PDGFRB: variants seen among roughly 807,000 people sequenced by gnomAD.
PDGFRB encodes the protein platelet-derived growth factor receptor beta.
A neutral mutation model predicts 120.2 loss-of-function variants in PDGFRB; 42 were observed. The observed-to-expected ratio is 0.35, with a 90% CI of 0.27 to 0.45. PDGFRB has a LOEUF of 0.45. Among genes scored for constraint, PDGFRB ranks in the 20% least tolerant of loss-of-function variants. The pLI is 1.00. For missense variants in PDGFRB, 1,149 were observed against 1,476.3 expected (o/e 0.78, Z 3.63); for synonymous variants, 586 against 606.8 (o/e 0.97, Z 0.50).
intron 6 of PDGFRB, 57 bp downstream of exon 6, chr5:150,133,529 G>T: frequency 7.0e-7 from 1 of 1,426,900 alleles, no homozygotes; most frequent in Non-Finnish European, 9.9e-7. Context: ...CAGCAAAGTG[G>T]GTGAGGGTGG....
chr5:150,121,966 G>A lies in PDGFRB; in HGVS notation c.2258C>T (p.Pro753Leu). Residue 753 changes from proline (P) to leucine (L), a missense_variant, in exon 16 of 23, where the codon CCC becomes CTC. By Grantham distance (98) the Pro-to-Leu change is moderately conservative. Coordinates refer to ENST00000261799, the MANE Select transcript of PDGFRB (RefSeq NM_002609.4). The surrounding 1 kb of genome is among the most constrained non-coding windows in gnomAD (Gnocchi z 4.1). ...GACGTCTCCTTTCATGTCCAGCATGGGCACATAGTCCACCGACTCGTCCTT... is the reference window on the plus strand; with the variant it reads ...GACGTCTCCTTTCATGTCCAGCATGAGCACATAGTCCACCGACTCGTCCTT... ...MSKDESVDYV[P>L]MLDMKGDVKY... The A allele has an allele frequency of 6.2e-7, 1 of 1,613,308 alleles. No homozygotes were observed. The highest frequency in any genetic ancestry group is 2.2e-5 in the East Asian group (1 of 44,866).
intron 1 of PDGFRB, among the ~76,000 whole-genome samples, chr5:150,143,493 C>T (rs887477414): frequency 6.6e-6 from 1 of 152,192 alleles, no homozygotes; most frequent in Admixed American, 6.5e-5. Context: ...TGACTCAGCT[C>T]AGAGAAGGCT....
At chr5:150,117,538 G>C (rs140531823) in intron 22 of PDGFRB, 80 bp downstream of exon 22, 2 of 586,066 alleles carry the variant, frequency 3.4e-6, no homozygotes. Context: ...GCGCGCGCGC[G>C]CGCGCGCACA....
chr5:150,151,032 C>T (rs548013631), intron 1 of PDGFRB, among the ~76,000 whole-genome samples: 25 of 152,162 alleles, frequency 1.6e-4, no homozygotes, highest in Non-Finnish European at 2.9e-4. Flanking sequence ...AGGGGCCACA[C>T]TAATTGTCAG....
In PDGFRB at chr5:150,124,295, G is replaced by T. The variant is rs144050370; in HGVS notation, c.1978C>A (p.Pro660Thr). Reference sequence around the variant, plus strand: ...AACAGGTTGACCACGTTCAGGTGGGGCCCAAGGTGACTCATGATCTTCAGC... The same window carrying T: ...AACAGGTTGACCACGTTCAGGTGGGTCCCAAGGTGACTCATGATCTTCAGC... ...SELKIMSHLG[P>T]HLNVVNLLGA... The change falls in exon 14 of 23, where the codon CCC becomes ACC. Residue 660 changes from proline to threonine, a missense_variant. This residue lies in a region of PDGFRB where 879 missense variants were observed against 1,108.6 expected (regional missense o/e 0.79). Transcript: ENST00000261799. 3.0e-5 allele frequency: 48 copies of T among 1,613,942 alleles called. No homozygotes were observed. The highest frequency in any genetic ancestry group is 3.9e-5 in the Non-Finnish European group (46 of 1,179,906).
rs1234170929 is a variant in PDGFRB, at chr5:150,124,242, C to G, written c.2023+8G>C. The G allele has an allele frequency of 6.2e-7, 1 of 1,601,842 alleles. No homozygotes were observed. Among genetic ancestry groups the G allele is most frequent in the Non-Finnish European group, 8.6e-7 (1 of 1,169,190 alleles). ...TCCCTGAGGCCTCTGGGGCAGTGGG[C>G]TCGGTACCTCCTTTGGTGCAGGCCC... On this transcript the variant is annotated splice_region_variant and intron_variant, in intron 14 of 22. Transcript: ENST00000261799.
At position 150,125,348 on chromosome 5, in the gene PDGFRB, T is replaced by C. The variant is rs2113896744; in HGVS notation, c.1807+97A>G. The C allele has an allele frequency of 4.7e-6, 5 of 1,066,218 alleles. No individual in the cohort carries two copies. In the South Asian group the frequency reaches 7.8e-5, roughly 17 times the overall value. 66.0% of individuals were successfully genotyped at this position (1,066,218 alleles called of 1,614,324 possible). A position where few individuals can be genotyped will look rare whatever the true frequency, so the allele number is the denominator to read the frequency against. ...GAAGGCAAGACACCAGCCCTAGGTCTCATAGCTAGTCATGGCAAGGCTGGG... is the reference window on the plus strand; with the variant it reads ...GAAGGCAAGACACCAGCCCTAGGTCCCATAGCTAGTCATGGCAAGGCTGGG... On this transcript the variant is annotated intron_variant, in intron 12 of 22. Transcript: ENST00000261799.
rs10071918 is a variant in PDGFRB, at chr5:150,155,757, C to G, written c.-367G>C. On this transcript the variant is annotated 5_prime_UTR_variant, in exon 1 of 23. Coordinates refer to ENST00000261799, the MANE Select transcript of PDGFRB (RefSeq NM_002609.4). ...GCAGGGCTGAGGGGCCGGCTCTCTCCTCCTCCTTGTTGATCTCCTCTCTGG... is the reference window on the plus strand; with the variant it reads ...GCAGGGCTGAGGGGCCGGCTCTCTCGTCCTCCTTGTTGATCTCCTCTCTGG... 2.9e-3 allele frequency: 1,149 copies of G among 398,644 alleles called. 11 individuals are homozygous for G. The highest frequency in any genetic ancestry group is 0.01 in the African/African-American group (489 of 48,754). 24.7% of individuals were successfully genotyped at this position (398,644 alleles called of 1,614,324 possible).
intron 8 of PDGFRB, 33 bp from the exon 9 acceptor site, chr5:150,130,695 G>A (rs1760440864): frequency 6.8e-6 from 11 of 1,609,780 alleles, no homozygotes; most frequent in Non-Finnish European, 9.3e-6. Context: ...TAGGAGGCGG[G>A]AGGGTCAGGA....
At position 150,121,895 on chromosome 5, in the gene PDGFRB, T is replaced by A; in HGVS notation, c.2329A>T (p.Asn777Tyr). 1 of 1,613,248 alleles carries A rather than the reference T, an allele frequency of 6.2e-7. No homozygotes were observed. Among genetic ancestry groups the A allele is most frequent in the East Asian group, 2.2e-5 (1 of 44,878 alleles). The change falls in exon 16 of 23, where the codon AAC becomes TAC. Residue 777 changes from asparagine to tyrosine, a missense_variant. Around this residue, in one of 3 missense-constraint regions of PDGFRB, gnomAD observed 879 missense variants for 1,108.6 expected, o/e 0.79. Transcript: ENST00000261799. The surrounding 1 kb of genome is among the most constrained non-coding windows in gnomAD (Gnocchi z 4.1). Reference protein sequence around the residue: ...ESSNYMAPYDNYVPSAPERTC... With the variant: ...ESSNYMAPYDYYVPSAPERTC... ...GTCCACCCACCAGAGGGAACGTAGT[T>A]ATCGTAAGGGGCCATGTAGTTGGAG... is the stretch of plus-strand genomic sequence containing the variant.
At position 150,135,647 on chromosome 5, in the gene PDGFRB, G is replaced by T; in HGVS notation, c.272C>A (p.Thr91Asn). Residue 91 changes from threonine (T) to asparagine (N), a missense_variant, in exon 3 of 23, where the codon ACT becomes AAT. Thr to Asn is a moderately conservative substitution (Grantham distance 65). This residue lies in a region of PDGFRB where 879 missense variants were observed against 1,108.6 expected (regional missense o/e 0.79). Coordinates refer to ENST00000261799, the MANE Select transcript of PDGFRB (RefSeq NM_002609.4). ...AAAGTATTCTCCCGTGTCTAGCCCA[G>T]TGAGGTTGGTCAGTGTGAGCACGCT... ...FSSVLTLTNL[T>N]GLDTGEYFCT... is the part of the protein sequence containing the mutation. 1 of 1,613,952 alleles carries T rather than the reference G, an allele frequency of 6.2e-7. No homozygotes were observed. The highest frequency in any genetic ancestry group is 1.1e-5 in the South Asian group (1 of 91,076).
chr5:150,121,830 G>A lies in PDGFRB; in HGVS notation c.2344+50C>T, dbSNP rs1472831885. On this transcript the variant is annotated intron_variant, in intron 16 of 22. Coordinates refer to ENST00000261799, the MANE Select transcript of PDGFRB (RefSeq NM_002609.4). This position sits in a 1 kb window ranked among gnomAD's most constrained non-coding sequence, Gnocchi z 4.1. ...TTTTTGGCAAGGCTGGGCATGTGAA[G>A]AGCATCAGCCTGTTTGGATGTGGGG... 2.1e-6 allele frequency: 3 copies of A among 1,395,798 alleles called. No homozygotes were observed. The highest frequency in any genetic ancestry group is 3.4e-5 in the Admixed American group (2 of 59,096). The allele number at this position is 1,395,798 out of a possible 1,614,324, so 86.5% of individuals were successfully genotyped here. A position where few individuals can be genotyped will look rare whatever the true frequency, so the allele number is the denominator to read the frequency against.
At position 150,155,658 on chromosome 5, in the gene PDGFRB, CA is replaced by C; in HGVS notation, c.-269del. 2.5e-6 allele frequency: 1 copy of C among 398,712 alleles called. No homozygotes were observed. The highest frequency in any genetic ancestry group is 4.4e-6 in the Non-Finnish European group (1 of 226,126). The allele number at this position is 398,712 out of a possible 1,614,324, so 24.7% of individuals were successfully genotyped here. On this transcript the variant is annotated 5_prime_UTR_variant, in exon 1 of 23. Coordinates refer to ENST00000261799, the MANE Select transcript of PDGFRB (RefSeq NM_002609.4). ...CTCCCCAAGCATCCTTCGGGAGGAG[CA>C]GAGCCGCCAGAGGGGCCGCCCTGGG...
intron 2 of PDGFRB, among the ~76,000 whole-genome samples, chr5:150,136,268 G>C (rs1355587061): frequency 6.6e-6 from 1 of 152,214 alleles, no homozygotes. Context: ...GACTGCCCAG[G>C]TTCTGCCCAA....
At chr5:150,122,441 T>TG (rs368769071) in intron 15 of PDGFRB, among the ~76,000 whole-genome samples, 10 of 152,192 alleles carry the variant, frequency 6.6e-5, no homozygotes, top group African/African-American at 2.4e-4. Context: ...CAAAGAGCTG[T>TG]GGGGCTCTAC....
intron 1 of PDGFRB, among the ~76,000 whole-genome samples, chr5:150,147,110 T>C (rs943982673): frequency 3.9e-5 from 6 of 152,112 alleles, no homozygotes; most frequent in African/African-American, 1.4e-4. Flanking sequence ...AGCCCAGGTG[T>C]GTGGCCGGCT....
At chr5:150,127,663 A>T (rs1339037675) in intron 10 of PDGFRB, among the ~76,000 whole-genome samples, 1 of 151,824 alleles carries the variant, frequency 6.6e-6, no homozygotes, top group Non-Finnish European at 1.5e-5. Context: ...GTGAAATCCC[A>T]TTTCTACTAA....
chr5:150,129,717 G>A, intron 10 of PDGFRB, 40 bp downstream of exon 10: 1 of 1,530,978 alleles, frequency 6.5e-7, no homozygotes, highest in South Asian at 1.1e-5. Context: ...ATTAAGGTAG[G>A]GATTGGGATC....
intron 4 of PDGFRB, 46 bp from the exon 5 acceptor site, chr5:150,134,054 C>A (rs745642828): frequency 6.3e-7 from 1 of 1,596,424 alleles, no homozygotes; most frequent in Admixed American, 1.7e-5. Context: ...CACCACCAGC[C>A]ACTAGCACTT....
Sources: gnomAD v4.1 joint callset for allele counts (sites outside exome capture counted in the v4.1 genomes callset) on GRCh38, gnomAD v4.1.1 for gene constraint, gnomAD v4.1.1 regional missense constraint, Gnocchi (gnomAD v3.1) non-coding constraint, MANE v1.5 for transcripts, NCBI Gene and HGNC (gene_info 2026-07-23, HGNC 2026-07-21) for gene names.